The following COG1 variants were observed in gnomAD, a reference collection of about 807,000 sequenced individuals.
The protein encoded by COG1 is conserved oligomeric Golgi complex subunit 1.
In COG1, 61 loss-of-function variants were observed where a neutral mutation model predicts 102.2. The ratio of observed to expected loss-of-function variants is 0.60; its 90% CI spans 0.49 to 0.74. The LOEUF is 0.74. COG1 is among the 30% of genes least tolerant of loss of function. COG1 has a pLI of 0.00. For synonymous variants in COG1, 454 were observed against 493.6 expected (o/e 0.92, Z 1.06); for missense variants, 1,164 against 1,232.1 (o/e 0.94, Z 0.83).
rs1324203264 is a variant in COG1, at chr17:73,203,000, G to A, written c.2074G>A (p.Val692Ile). 6.2e-7 allele frequency: 1 copy of A among 1,614,092 alleles called. No homozygotes were observed. The highest frequency in any genetic ancestry group is 1.7e-5 in the Admixed American group (1 of 60,022). ...YQVWSSAVVK[V>I]LIHGFTQSLL... ...ATGGATATCTGCCTTTTATTACCAG[G>A]TTTTGATTCATGGATTCACCCAGTC... The change falls in exon 8 of 14, where the codon GTT (valine) becomes ATT (isoleucine). Residue 692 changes from valine (V) to isoleucine (I), a missense_variant and splice_region_variant. Val to Ile is a conservative substitution (Grantham distance 29). Transcript: ENST00000299886.
chr17:73,203,852 A>G, intron 9 of COG1, 59 bp downstream of exon 9: 2 of 1,591,482 alleles, frequency 1.3e-6, no homozygotes, highest in Non-Finnish European at 1.7e-6. Flanking sequence ...AAACCTTAGC[A>G]TTGTCTTGGG....
rs201093661 is a variant in COG1, at chr17:73,200,818, T to C, written c.1281+42T>C. ...CATGGTCTACCTGTTTTATGGCCAA[T>C]CCTAGTGGTATTTTGACTGTCTTGG... On this transcript the variant is annotated intron_variant, in intron 6 of 13. Transcript: ENST00000299886. 60 of 1,537,484 alleles carry C rather than the reference T, an allele frequency of 3.9e-5. No homozygotes were observed. The East Asian group carries it at 1.2e-3, about 30-fold the overall frequency.
intron 13 of COG1, 161 bp downstream of exon 13, chr17:73,207,417 T>C (rs2061382912): frequency 7.9e-6 from 6 of 763,274 alleles, no homozygotes; most frequent in South Asian, 1.5e-5. Flanking sequence ...AAGGTTTTAC[T>C]AGCTTGAGCT....
Position 73,203,692 on chromosome 17 carries a change from G to A in COG1, c.2281G>A (p.Gly761Ser), listed in dbSNP as rs771789779. Residue 761 changes from glycine to serine, a missense_variant, in exon 9 of 14, where the codon GGC becomes AGC. Coordinates refer to ENST00000299886, the MANE Select transcript of COG1 (RefSeq NM_018714.3). The stretch of plus-strand genomic sequence containing the variant: ...ATGCCAGGAAATTAATCGGGTTGGA[G>A]GCCATGCCTTGCCAAAGGTGACATT... ...SLCQEINRVG[G>S]HALPKVTLQE... The A allele has an allele frequency of 2.4e-5, 39 of 1,614,100 alleles. No homozygotes were observed. Among genetic ancestry groups the A allele is most frequent in the Admixed American group, 1.7e-5 (1 of 60,004 alleles).
In COG1 at chr17:73,196,966, C is replaced by T. The variant is rs771287810; in HGVS notation, c.627C>T (p.Ala209=). 24 of 1,614,162 alleles carry T rather than the reference C, an allele frequency of 1.5e-5. 1 individual carries two copies. In the Middle Eastern group the frequency reaches 4.9e-4, roughly 33 times the overall value. ...AAGGTGTGTCTGACCAAGCTGTGGC[C>T]GAGGCCCTGTGCTCTATAATGCTCT... is the stretch of plus-strand genomic sequence containing the variant. ...KCQGVSDQAV[A]EALCSIMLLE... is the part of the protein sequence containing the mutation. Residue 209 remains alanine (A), a synonymous_variant, in exon 3 of 14, where the codon GCC becomes GCT. Transcript: ENST00000299886.
chr17:73,208,246 C>T, intron 13 of COG1, 68 bp from the exon 14 acceptor site: 2 of 1,609,404 alleles, frequency 1.2e-6, no homozygotes, highest in Non-Finnish European at 1.7e-6. Context: ...AGTGGCGTCG[C>T]GCGGAGGGCG....
At chr17:73,196,826 C>G in intron 2 of COG1, 74 bp from the exon 3 acceptor site, 1 of 1,613,670 alleles carries the variant, frequency 6.2e-7, no homozygotes, top group African/African-American at 1.3e-5. Flanking sequence ...CGTTTGTCTT[C>G]TTTCCTGATG....
At chr17:73,208,229 G>C (rs2061392059) in intron 13 of COG1, 85 bp from the exon 14 acceptor site, 1 of 1,605,534 alleles carries the variant, frequency 6.2e-7, no homozygotes, top group Middle Eastern at 2.3e-4. Flanking sequence ...GTGCCGTGTG[G>C]ACTCCGAGTG....
chr17:73,203,372 G>A, intron 8 of COG1: 1 of 713,064 alleles, frequency 1.4e-6, no homozygotes. Flanking sequence ...TGCTAATTAG[G>A]GAACCACTTA....
chr17:73,208,444 C>T lies in COG1; in HGVS notation c.2936C>T (p.Thr979Ile). 1.2e-6 allele frequency: 2 copies of T among 1,614,122 alleles called. No individual in the cohort carries two copies. The highest frequency in any genetic ancestry group is 1.7e-6 in the Non-Finnish European group (2 of 1,179,996). The stretch of plus-strand genomic sequence containing the variant: ...AAACTTGGCTGGCTCTCTAGTATGA[C>T]TAAGTAACATGGCAACACATCTGTC... ...LFKLGWLSSM[T>I]K is the part of the protein sequence containing the mutation. Residue 979 changes from threonine (T) to isoleucine (I), a missense_variant, in exon 14 of 14, where the codon ACT becomes ATT. By Grantham distance (89) the Thr-to-Ile change is moderately conservative. Transcript: ENST00000299886.
In COG1 at chr17:73,203,714, C is replaced by G. The variant is rs761806851; in HGVS notation, c.2303C>G (p.Thr768Arg). Residue 768 changes from threonine (T) to arginine (R), a missense_variant, in exon 9 of 14, where the codon ACA becomes AGA. Physicochemically the swap from Thr to Arg is moderately conservative, Grantham distance 71. Coordinates refer to ENST00000299886, the MANE Select transcript of COG1 (RefSeq NM_018714.3). ...RVGGHALPKV[T>R]LQEMLKSCMV... is the part of the protein sequence containing the mutation. ...GGAGGCCATGCCTTGCCAAAGGTGACATTACAGGAGATGCTGAAAAGCTGT... is the reference window on the plus strand; with the variant it reads ...GGAGGCCATGCCTTGCCAAAGGTGAGATTACAGGAGATGCTGAAAAGCTGT... 1 of 1,614,208 alleles carries G rather than the reference C, an allele frequency of 6.2e-7. No homozygotes were observed. The highest frequency in any genetic ancestry group is 1.7e-5 in the Admixed American group (1 of 60,022).
chr17:73,199,825 AG>A (rs1168656440), intron 4 of COG1, 39 bp from the exon 5 acceptor site: 1 of 1,613,380 alleles, frequency 6.2e-7, no homozygotes, highest in East Asian at 2.2e-5. Flanking sequence ...TGCACTTCAA[AG>A]GGTGGCCTAG....
In COG1 at chr17:73,196,721, T is replaced by G. The variant is rs1054076146; in HGVS notation, c.530T>G (p.Ile177Ser). 3.7e-6 allele frequency: 6 copies of G among 1,613,884 alleles called. No homozygotes were observed. Among genetic ancestry groups the G allele is most frequent in the Non-Finnish European group, 5.1e-6 (6 of 1,180,018 alleles). Residue 177 changes from isoleucine (I) to serine (S), a missense_variant, in exon 2 of 14, where the codon ATC (isoleucine) becomes AGC (serine). Transcript: ENST00000299886. ...SPVLSRFPILIRQVAAASHFR... is the reference protein window; with the variant it reads ...SPVLSRFPILSRQVAAASHFR... Reference sequence around the variant, plus strand: ...GTCCTCTCCCGGTTTCCTATACTCATCCGGCAGGTGGCAGCCGCCAGCCAC... The same window carrying G: ...GTCCTCTCCCGGTTTCCTATACTCAGCCGGCAGGTGGCAGCCGCCAGCCAC...
chr17:73,200,344 C>A (rs1350503619), intron 5 of COG1, among the ~76,000 whole-genome samples: 2 of 152,158 alleles, frequency 1.3e-5, no homozygotes, highest in Non-Finnish European at 2.9e-5. Flanking sequence ...TTGCGTATAT[C>A]CTCGGGGAAG....
intron 4 of COG1, among the ~76,000 whole-genome samples, 199 bp downstream of exon 4, chr17:73,197,595 T>C (rs1306218878): frequency 6.6e-6 from 1 of 152,172 alleles, no homozygotes; most frequent in Non-Finnish European, 1.5e-5. Context: ...ATCCATTTAG[T>C]GTCTATATTG....
rs117339332 is a variant in COG1 at position 73,206,598 on chromosome 17, A to C, written c.2620-110A>C. On this transcript the variant is annotated intron_variant, in intron 11 of 13. Transcript: ENST00000299886. ...CATAAATGCACTCAGAACATTCCCC[A>C]AAATGACAGTTAGAAATACGGTAGC... 241 of 791,218 alleles carry C rather than the reference A, an allele frequency of 3.0e-4. 5 individuals are homozygous for C. In the East Asian group the frequency reaches 6.3e-3, roughly 21 times the overall value. The allele number at this position is 791,218 out of a possible 1,614,324, so 49.0% of individuals were successfully genotyped here. A position where few individuals can be genotyped will look rare whatever the true frequency, so the allele number is the denominator to read the frequency against.
At position 73,205,688 on chromosome 17, in the gene COG1, A is replaced by G. The variant is rs377458948; in HGVS notation, c.2510+8A>G. ...GAGCAAGCCAGACTCCAGGTGTCGTATCCTCTAGGGAGCTATGTCAAGGCG... is the reference window on the plus strand; with the variant it reads ...GAGCAAGCCAGACTCCAGGTGTCGTGTCCTCTAGGGAGCTATGTCAAGGCG... On this transcript the variant is annotated splice_region_variant and intron_variant, in intron 10 of 13. Transcript: ENST00000299886. The G allele has an allele frequency of 6.2e-7, 1 of 1,613,450 alleles. No individual in the cohort carries two copies.
At chr17:73,208,018 C>CA in intron 13 of COG1, 1 of 1,318,214 alleles carries the variant, frequency 7.6e-7, no homozygotes, top group Non-Finnish European at 9.7e-7. Flanking sequence ...GTTTCCACTG[C>CA]AGTGATCTTT....
At chr17:73,203,560 A>C in intron 8 of COG1, 72 bp from the exon 9 acceptor site, 1 of 1,575,784 alleles carries the variant, frequency 6.3e-7, no homozygotes, top group South Asian at 1.1e-5. Flanking sequence ...TGTAAGATTA[A>C]GTGGATTCAC....
Sources: allele counts gnomAD v4.1 joint callset (sites outside exome capture counted in the v4.1 genomes callset), GRCh38; gene constraint gnomAD v4.1.1; transcripts MANE v1.5; gene names NCBI Gene and HGNC (gene_info 2026-07-23, HGNC 2026-07-21).